KCNH8: variants seen among roughly 807,000 people sequenced by gnomAD.
KCNH8 encodes the protein potassium voltage-gated channel subfamily H member 8, also known as voltage-gated delayed rectifier potassium channel KCNH8.
KCNH8 carries 70 observed loss-of-function variants against 103.6 expected under a neutral mutation model. The ratio of observed to expected loss-of-function variants is 0.68; its 90% CI spans 0.56 to 0.82. The LOEUF (loss-of-function observed/expected upper bound fraction) is 0.82, where lower values mean the gene tolerates loss of function less well. Ranked by LOEUF, KCNH8 falls within the 40% of genes least tolerant of loss-of-function variation. The probability of loss-of-function intolerance (pLI) is 0.00; values close to 1 mark genes in which losing one functional copy is unlikely to be tolerated. For synonymous variants in KCNH8, 498 were observed against 489.4 expected (o/e 1.02, Z -0.23); for missense variants, 1,217 against 1,329.9 (o/e 0.92, Z 1.32).
At chr3:19,329,855 A>T (rs1412955153) in intron 3 of KCNH8, among the ~76,000 whole-genome samples, 1 of 151,924 alleles carries the variant, frequency 6.6e-6, no homozygotes, top group Non-Finnish European at 1.5e-5. Context: ...GCTCCTTCCC[A>T]TGTGCAGTCC....
At chr3:19,415,479 C>G (rs2066849624) in intron 7 of KCNH8, among the ~76,000 whole-genome samples, 1 of 125,550 alleles carries the variant, frequency 8.0e-6, no homozygotes. Flanking sequence ...GTTTATTATT[C>G]TACAATCAGC....
In KCNH8 at chr3:19,224,559, C is replaced by CTTT. The variant is rs34526650; in HGVS notation, c.77-29078_77-29076dup. On this transcript the variant is annotated intron_variant, in intron 1 of 15. Coordinates refer to ENST00000328405, the MANE Select transcript of KCNH8 (RefSeq NM_144633.3). ...TAAGGAGGATGTACTTTGTTTTGAACTTTTTTTTTTTTTTTTTTTGAGAGA... is the reference window on the plus strand; with the variant it reads ...TAAGGAGGATGTACTTTGTTTTGAACTTTTTTTTTTTTTTTTTTTTTTGAGAGA... Among the ~76,000 whole-genome samples, 906 of 129,456 alleles carry CTTT rather than the reference C, an allele frequency of 7.0e-3. 20 individuals are homozygous for CTTT. The highest frequency in any genetic ancestry group is 0.024 in the African/African-American group (830 of 34,786). The allele number at this position is 129,456 out of a possible 152,430, so 84.9% of individuals were successfully genotyped here. A position where few individuals can be genotyped will look rare whatever the true frequency, so the allele number is the denominator to read the frequency against.
intron 4 of KCNH8, among the ~76,000 whole-genome samples, chr3:19,343,878 G>A (rs1049006211): frequency 6.6e-6 from 1 of 152,002 alleles, no homozygotes; most frequent in Non-Finnish European, 1.5e-5. Flanking sequence ...CTGTACTTCA[G>A]TGCAACTTTC....
Position 19,393,760 on chromosome 3 carries a change from T to TA in KCNH8, c.970-1340dup, listed in dbSNP as rs528056366. 2.9e-3 allele frequency among the ~76,000 whole-genome samples: 447 copies of TA among 152,006 alleles called. 4 individuals carry two copies. The highest frequency in any genetic ancestry group is 9.8e-3 in the African/African-American group (408 of 41,508). On this transcript the variant is annotated intron_variant, in intron 6 of 15. Transcript: ENST00000328405. ...GACACAGGAGAATGACAAAAAGAAA[T>TA]AAAAGAGCACAGCTAGCTGTCAAGT...
chr3:19,383,795 ATAT>A (rs2066319801), intron 5 of KCNH8, among the ~76,000 whole-genome samples: 2 of 152,166 alleles, frequency 1.3e-5, no homozygotes, highest in African/African-American at 4.8e-5. Flanking sequence ...GATAGTTCTT[ATAT>A]TTTCTATTTT....
At chr3:19,441,153 C>T (rs2067278640) in intron 8 of KCNH8, among the ~76,000 whole-genome samples, 1 of 152,136 alleles carries the variant, frequency 6.6e-6, no homozygotes, top group Admixed American at 6.5e-5. Context: ...ACTGATTGGA[C>T]CTCCTCAGAC....
intron 5 of KCNH8, among the ~76,000 whole-genome samples, chr3:19,348,944 T>A (rs1290970554): frequency 2.0e-5 from 3 of 152,046 alleles, no homozygotes; most frequent in Non-Finnish European, 4.4e-5. Flanking sequence ...AGCTGTTAAA[T>A]CTTTGAGGCT....
At chr3:19,175,414 G>A (rs953502270) in intron 1 of KCNH8, among the ~76,000 whole-genome samples, 8 of 151,864 alleles carry the variant, frequency 5.3e-5, no homozygotes, top group African/African-American at 1.9e-4. Context: ...GTAGAGACAG[G>A]GTTTCACCGT....
chr3:19,475,075 C>A (rs1451006314), intron 11 of KCNH8, among the ~76,000 whole-genome samples: 2 of 151,974 alleles, frequency 1.3e-5, no homozygotes, highest in Non-Finnish European at 2.9e-5. Flanking sequence ...CCCAAAGAAA[C>A]AACTAAACAA....
intron 7 of KCNH8, among the ~76,000 whole-genome samples, chr3:19,434,431 A>C (rs916504927): frequency 3.3e-5 from 5 of 152,220 alleles, no homozygotes; most frequent in African/African-American, 1.2e-4. Context: ...TCTGAAACTT[A>C]TCCTGATATC....
chr3:19,176,371 T>TA (rs1449916028), intron 1 of KCNH8, among the ~76,000 whole-genome samples: 1 of 152,094 alleles, frequency 6.6e-6, no homozygotes, highest in Non-Finnish European at 1.5e-5. Flanking sequence ...AAACATGAGG[T>TA]AGAGTATTCT....
intron 3 of KCNH8, among the ~76,000 whole-genome samples, chr3:19,284,548 TGTGTGA>T (rs762492903): frequency 9.5e-4 from 139 of 146,898 alleles, no homozygotes; most frequent in Non-Finnish European, 1.3e-3. Flanking sequence ...TGTGTGTGTG[TGTGTGA>T]GGGAGAGAGA....
intron 1 of KCNH8, among the ~76,000 whole-genome samples, chr3:19,165,260 A>G (rs1055258568): frequency 5.3e-5 from 8 of 152,172 alleles, no homozygotes; most frequent in African/African-American, 1.4e-4. Flanking sequence ...AAAAACAGCA[A>G]TTACTTTCAC....
At chr3:19,334,709 TAAA>T (rs929953695) in intron 3 of KCNH8, among the ~76,000 whole-genome samples, 1 of 135,192 alleles carries the variant, frequency 7.4e-6, no homozygotes. Flanking sequence ...TCAGTGATGT[TAAA>T]AAAAAAAAAA....
At chr3:19,279,566 G>T (rs2064726660) in intron 2 of KCNH8, among the ~76,000 whole-genome samples, 1 of 63,402 alleles carries the variant, frequency 1.6e-5, no homozygotes, top group Non-Finnish European at 3.1e-5. Context: ...ATGCCATAGG[G>T]CTAAAAAAAA....
At chr3:19,333,235 T>C (rs2065535412) in intron 3 of KCNH8, among the ~76,000 whole-genome samples, 1 of 152,338 alleles carries the variant, frequency 6.6e-6, no homozygotes, top group Non-Finnish European at 1.5e-5. Flanking sequence ...GAGTTCTTTA[T>C]ATATTCTACA....
intron 11 of KCNH8, among the ~76,000 whole-genome samples, chr3:19,507,491 G>A (rs561963700): frequency 6.6e-6 from 1 of 152,234 alleles, no homozygotes; most frequent in East Asian, 1.9e-4. Context: ...CCAGCATAGT[G>A]ACTAGGCCCT....
At chr3:19,224,212 TTAAA>T (rs1189049747) in intron 1 of KCNH8, among the ~76,000 whole-genome samples, 8 of 152,004 alleles carry the variant, frequency 5.3e-5, no homozygotes, top group Non-Finnish European at 8.8e-5. Context: ...TTCTTGAACA[TTAAA>T]TAAAGACAAA....
chr3:19,269,517 A>G (rs890955190), intron 2 of KCNH8, among the ~76,000 whole-genome samples: 2 of 152,106 alleles, frequency 1.3e-5, no homozygotes, highest in Non-Finnish European at 2.9e-5. Flanking sequence ...TACACTCTGT[A>G]TAATGTCTAT....
Sources: gnomAD v4.1 joint callset for allele counts (sites outside exome capture counted in the v4.1 genomes callset) on GRCh38, gnomAD v4.1.1 for gene constraint, MANE v1.5 for transcripts, NCBI Gene and HGNC (gene_info 2026-07-23, HGNC 2026-07-21) for gene names.